Variants in KIF2C observed in about 807,000 individuals in gnomAD.
The protein encoded by KIF2C is kinesin-like protein KIF2C.
A neutral mutation model predicts 97.4 loss-of-function variants in KIF2C; 34 were observed. The ratio of observed to expected loss-of-function variants is 0.35; its 90% CI spans 0.27 to 0.46. KIF2C has a LOEUF of 0.46. KIF2C is among the 20% of genes least tolerant of loss of function. KIF2C has a pLI of 1.00. For synonymous variants in KIF2C, 313 were observed against 318.2 expected, an observed-to-expected ratio of 0.98 and a Z score of 0.17; for missense variants, 750 against 907.6, an observed-to-expected ratio of 0.83 and a Z score of 2.23.
chr1:44,750,169 T>A, intron 4 of KIF2C: 1 of 254,920 alleles, frequency 3.9e-6, no homozygotes. Context: ...TCAGGATAGC[T>A]ATAGGTTCCT....
In KIF2C at chr1:44,756,248, T is replaced by C. The variant is rs1649824699; in HGVS notation, c.977+11T>C. ...TGAAGTTGTCTACAGGTTAGTCCCT[T>C]GCATCCATTTTTCCCTCCTTGTGCC... On this transcript the variant is annotated intron_variant, in intron 10 of 20. Coordinates refer to ENST00000372224, the MANE Select transcript of KIF2C (RefSeq NM_006845.4). The C allele has an allele frequency of 6.2e-7, 1 of 1,611,922 alleles. No individual in the cohort carries two copies. The highest frequency in any genetic ancestry group is 8.5e-7 in the Non-Finnish European group (1 of 1,178,196).
intron 2 of KIF2C, among the ~76,000 whole-genome samples, chr1:44,745,765 C>T (rs369374971): frequency 2.0e-5 from 3 of 151,862 alleles, no homozygotes; most frequent in East Asian, 1.9e-4. Flanking sequence ...CCACCACGCC[C>T]GGCCTATATA....
intron 14 of KIF2C, 44 bp downstream of exon 14, chr1:44,759,392 GT>G (rs1452475788): frequency 1.2e-6 from 2 of 1,609,380 alleles, no homozygotes; most frequent in Non-Finnish European, 1.7e-6. Flanking sequence ...CTCATGTCTG[GT>G]TTATGAGTAA....
Position 44,739,872 on chromosome 1 carries a change from A to T in KIF2C, c.-61A>T. ...GGTTTACGCGGCGTTAAGACTTCGTAGGGTTAGCGAAATTGAGGTTTCTTG... is the reference window on the plus strand; with the variant it reads ...GGTTTACGCGGCGTTAAGACTTCGTTGGGTTAGCGAAATTGAGGTTTCTTG... On this transcript the variant is annotated 5_prime_UTR_variant, in exon 1 of 21. Coordinates refer to ENST00000372224, the MANE Select transcript of KIF2C (RefSeq NM_006845.4). 6.8e-7 allele frequency: 1 copy of T among 1,478,658 alleles called. No individual in the cohort carries two copies. The highest frequency in any genetic ancestry group is 9.5e-7 in the Non-Finnish European group (1 of 1,056,804). The allele number at this position is 1,478,658 out of a possible 1,614,324, so 91.6% of individuals were successfully genotyped here. A position where few individuals can be genotyped will look rare whatever the true frequency, so the allele number is the denominator to read the frequency against.
chr1:44,755,891 C>T, intron 8 of KIF2C, 38 bp from the exon 9 acceptor site: 1 of 1,606,246 alleles, frequency 6.2e-7, no homozygotes, highest in Non-Finnish European at 8.5e-7. Context: ...ATTGCTCTGA[C>T]CCTTTGCTGT....
intron 16 of KIF2C, among the ~76,000 whole-genome samples, 190 bp from the exon 17 acceptor site, chr1:44,761,726 G>A (rs1271160727): frequency 6.6e-6 from 1 of 152,222 alleles, no homozygotes; most frequent in Admixed American, 6.5e-5. Flanking sequence ...CAATGTCTGA[G>A]GCACCTTAAT....
intron 1 of KIF2C, 103 bp downstream of exon 1, chr1:44,740,105 T>G: frequency 2.2e-6 from 3 of 1,345,498 alleles, no homozygotes; most frequent in Non-Finnish European, 2.1e-6. Context: ...TCTCTTTCTC[T>G]CCCTCCCTCC....
At chr1:44,761,460 TAGCC>T (rs1324471798) in intron 16 of KIF2C, among the ~76,000 whole-genome samples, 2 of 151,828 alleles carry the variant, frequency 1.3e-5, no homozygotes, top group African/African-American at 2.4e-5. Context: ...TAAAAAAAAT[TAGCC>T]AGGTGTGGTG....
Position 44,747,773 on chromosome 1 carries a change from G to A in KIF2C, c.316+73G>A, listed in dbSNP as rs1020895729. The A allele has an allele frequency of 2.9e-6, 4 of 1,371,414 alleles. No homozygotes were observed. The African/African-American group carries it at 5.8e-5, about 20-fold the overall frequency. The allele number at this position is 1,371,414 out of a possible 1,614,324, so 85.0% of individuals were successfully genotyped here. ...TTATGTTTCTAGGACTCAGAGTTGT[G>A]GAAGCTCCTCTTTTGCAGGTGGTTT... On this transcript the variant is annotated intron_variant, in intron 4 of 20. Transcript: ENST00000372224.
At chr1:44,753,420 C>T (rs538356054) in intron 6 of KIF2C, among the ~76,000 whole-genome samples, 166 bp downstream of exon 6, 1 of 152,328 alleles carries the variant, frequency 6.6e-6, no homozygotes, top group East Asian at 1.9e-4. Context: ...CAAGACAAAA[C>T]AAGAACTGTT....
intron 11 of KIF2C, 100 bp from the exon 12 acceptor site, chr1:44,757,808 C>T: frequency 1.5e-6 from 2 of 1,309,656 alleles, no homozygotes; most frequent in Non-Finnish European, 2.2e-6. Flanking sequence ...TAGGTCCAGC[C>T]TTCTGGCTTT....
At chr1:44,761,573 A>G (rs943293932) in intron 16 of KIF2C, among the ~76,000 whole-genome samples, 6 of 151,780 alleles carry the variant, frequency 4.0e-5, no homozygotes, top group African/African-American at 1.5e-4. Context: ...GCACCACTGC[A>G]CTCTGGTCTG....
chr1:44,753,325 TG>T (rs1281581099), intron 6 of KIF2C, 71 bp downstream of exon 6: 5 of 1,494,754 alleles, frequency 3.3e-6, no homozygotes, highest in Non-Finnish European at 4.5e-6. Context: ...GTCCTAAACC[TG>T]GCCTACCTTG....
Position 44,756,190 on chromosome 1 carries a change from C to T in KIF2C, c.930C>T (p.Cys310=). ...LTKYLENQAF[C]FDFAFDETAS... is the part of the protein sequence containing the mutation. The stretch of plus-strand genomic sequence containing the variant: ...AGTATCTGGAGAACCAAGCATTCTG[C>T]TTTGACTTTGCATTTGATGAAACAG... Residue 310 remains cysteine (C), a synonymous_variant, in exon 10 of 21, where the codon TGC becomes TGT. Coordinates refer to ENST00000372224, the MANE Select transcript of KIF2C (RefSeq NM_006845.4). The T allele has an allele frequency of 1.2e-6, 2 of 1,614,234 alleles. No homozygotes were observed. The highest frequency in any genetic ancestry group is 2.7e-5 in the African/African-American group (2 of 75,060).
chr1:44,745,805 C>T lies in KIF2C; in HGVS notation c.166-1579C>T, dbSNP rs549526267. Reference sequence around the variant, plus strand: ...TTAATTCATCTTTGACTACCTTCCCCCTGTAGGCTGCTGTCTTCGTGGTGC... The same window carrying T: ...TTAATTCATCTTTGACTACCTTCCCTCTGTAGGCTGCTGTCTTCGTGGTGC... On this transcript the variant is annotated intron_variant, in intron 2 of 20. Transcript: ENST00000372224. Among the ~76,000 whole-genome samples, 10 of 152,108 alleles carry T rather than the reference C, an allele frequency of 6.6e-5. No individual in the cohort carries two copies. In the East Asian group the frequency reaches 1.4e-3, roughly 21 times the overall value.
chr1:44,745,715 C>G (rs924148824), intron 2 of KIF2C, among the ~76,000 whole-genome samples: 6 of 151,970 alleles, frequency 3.9e-5, no homozygotes, highest in Non-Finnish European at 8.8e-5. Flanking sequence ...GGTGATCTGC[C>G]TGTCTCAGCC....
intron 2 of KIF2C, among the ~76,000 whole-genome samples, chr1:44,745,349 T>C (rs895306966): frequency 4.0e-5 from 6 of 151,168 alleles, no homozygotes; most frequent in African/African-American, 1.5e-4. Flanking sequence ...ATTTAGTGAT[T>C]CTATCCTCCT....
intron 3 of KIF2C, 82 bp downstream of exon 3, chr1:44,747,567 C>A: frequency 6.4e-7 from 1 of 1,561,982 alleles, no homozygotes; most frequent in South Asian, 1.1e-5. Context: ...GATTGTCTGG[C>A]ATTTTAGCAT....
intron 2 of KIF2C, among the ~76,000 whole-genome samples, chr1:44,747,132 A>G (rs1649241161): frequency 6.6e-6 from 1 of 151,868 alleles, no homozygotes; most frequent in South Asian, 2.1e-4. Context: ...ACATGGTGAA[A>G]CCCTGTCTCT....
Sources: allele counts gnomAD v4.1 joint callset (sites outside exome capture counted in the v4.1 genomes callset), GRCh38; gene constraint gnomAD v4.1.1; transcripts MANE v1.5; gene names NCBI Gene and HGNC (gene_info 2026-07-23, HGNC 2026-07-21).